Variants in FHOD3 observed in about 807,000 individuals in gnomAD.
FHOD3 encodes FH1/FH2 domain-containing protein 3.
A neutral mutation model predicts 173.0 loss-of-function variants in FHOD3; 90 were observed. That is an observed-to-expected ratio of 0.52 (90% CI 0.44 to 0.62). FHOD3 has a LOEUF of 0.62. Among genes scored for constraint, FHOD3 ranks in the 20% least tolerant of loss-of-function variants. The pLI is 0.00. For missense variants in FHOD3, 1,945 were observed against 2,034.7 expected, an observed-to-expected ratio of 0.96 and a Z score of 0.85; for synonymous variants, 828 against 823.0, an observed-to-expected ratio of 1.01 and a Z score of -0.10.
In FHOD3 at chr18:36,475,568, A is replaced by C. The variant is rs758793896; in HGVS notation, c.338-26364A>C. Among the ~76,000 whole-genome samples the C allele has an allele frequency of 6.6e-5, 10 of 152,300 alleles. No individual in the cohort carries two copies. The East Asian group carries it at 1.7e-3, about 26-fold the overall frequency. ...ATGGGAAGGACTTGCCATCAAAATC[A>C]AGACCAATAAAGCAATTTCTGAGAA... On this transcript the variant is annotated intron_variant, in intron 3 of 28. Transcript: ENST00000590592.
chr18:36,391,612 T>A (rs1451108137), intron 3 of FHOD3, among the ~76,000 whole-genome samples: 2 of 152,178 alleles, frequency 1.3e-5, no homozygotes, highest in Non-Finnish European at 2.9e-5. Context: ...GGCTGAGCCC[T>A]GGGTTTACCA....
At chr18:36,308,192 A>G (rs554928829) in intron 1 of FHOD3, among the ~76,000 whole-genome samples, 1 of 152,246 alleles carries the variant, frequency 6.6e-6, no homozygotes, top group Non-Finnish European at 1.5e-5. Flanking sequence ...ATAGTGCTAT[A>G]ATACATACCT....
intron 9 of FHOD3, among the ~76,000 whole-genome samples, chr18:36,618,596 G>A (rs1218053561): frequency 6.6e-6 from 1 of 152,134 alleles, no homozygotes; most frequent in East Asian, 1.9e-4. Flanking sequence ...ACAGGCGTGA[G>A]CCACCGCACC....
intron 3 of FHOD3, among the ~76,000 whole-genome samples, chr18:36,449,507 A>C (rs1415914137): frequency 6.6e-6 from 1 of 152,330 alleles, no homozygotes; most frequent in African/African-American, 2.4e-5. Flanking sequence ...ACACAGGTCC[A>C]TCTGACCCCA....
chr18:36,394,174 G>A lies in FHOD3; in HGVS notation c.337+21430G>A, dbSNP rs193100906. ...GAGGGAGACCTGGATTTTCTGAGCCGTCTCCTGGGGAGCATGCTATCTGTC... is the reference window on the plus strand; with the variant it reads ...GAGGGAGACCTGGATTTTCTGAGCCATCTCCTGGGGAGCATGCTATCTGTC... On this transcript the variant is annotated intron_variant, in intron 3 of 28. Transcript: ENST00000590592. 5.3e-5 allele frequency among the ~76,000 whole-genome samples: 8 copies of A among 152,236 alleles called. No homozygotes were observed. In the East Asian group the frequency reaches 1.5e-3, roughly 29 times the overall value.
At chr18:36,384,897 TACCACCACCACC>T (rs60582813) in intron 3 of FHOD3, among the ~76,000 whole-genome samples, 9 of 150,982 alleles carry the variant, frequency 6.0e-5, no homozygotes, top group Non-Finnish European at 1.0e-4. Context: ...TGGTGGAAGA[TACCACCACCACC>T]ACCACCACCA....
rs777286652 is a variant in FHOD3, at chr18:36,780,160, C to T, written c.*630C>T. 42 of 1,231,816 alleles carry T rather than the reference C, an allele frequency of 3.4e-5. No individual in the cohort carries two copies. Among genetic ancestry groups the T allele is most frequent in the Non-Finnish European group, 4.1e-5 (41 of 988,026 alleles). 76.3% of individuals were successfully genotyped at this position (1,231,816 alleles called of 1,614,324 possible). ...TTCTCAGTGTCCTCAGAAGCACCCT[C>T]GCTTGGAACGGCCTTCAGATCCTTT... is the stretch of plus-strand genomic sequence containing the variant. On this transcript the variant is annotated 3_prime_UTR_variant, in exon 29 of 29. Transcript: ENST00000590592.
Position 36,594,901 on chromosome 18 carries a change from G to A in FHOD3, c.718+3G>A. ...CACTGCTGTTGACACGAAAAGAGGT[G>A]AGTAGTCCCTGCCCCCTTATGTCAT... On this transcript the variant is annotated splice_donor_region_variant and intron_variant, in intron 7 of 28. Coordinates refer to ENST00000590592, the MANE Select transcript of FHOD3 (RefSeq NM_001281740.3). 6.3e-7 allele frequency: 1 copy of A among 1,599,910 alleles called. No homozygotes were observed. Among genetic ancestry groups the A allele is most frequent in the Non-Finnish European group, 8.6e-7 (1 of 1,168,268 alleles).
intron 5 of FHOD3, among the ~76,000 whole-genome samples, chr18:36,574,389 C>T (rs969444762): frequency 1.3e-5 from 2 of 152,096 alleles, no homozygotes; most frequent in African/African-American, 4.8e-5. Flanking sequence ...CTATTATAAA[C>T]AAGTTTGTTG....
At position 36,659,370 on chromosome 18, in the gene FHOD3, C is replaced by T. The variant is rs575093476; in HGVS notation, c.1835+1182C>T. ...TAATAAGGTAACCATTTGATTACCC[C>T]GAAGACACCATTACCTGTCTGTAGT... On this transcript the variant is annotated intron_variant, in intron 14 of 28. Coordinates refer to ENST00000590592, the MANE Select transcript of FHOD3 (RefSeq NM_001281740.3). Among the ~76,000 whole-genome samples the T allele has an allele frequency of 5.3e-5, 8 of 152,224 alleles. No homozygotes were observed. The East Asian group carries it at 1.4e-3, about 26-fold the overall frequency.
intron 14 of FHOD3, among the ~76,000 whole-genome samples, chr18:36,681,006 G>T (rs2038200842): frequency 6.6e-6 from 1 of 152,300 alleles, no homozygotes; most frequent in Non-Finnish European, 1.5e-5. Flanking sequence ...AGCTTCTAAT[G>T]ATCCTGTTAC....
chr18:36,562,614 C>G (rs1278382845), intron 5 of FHOD3, among the ~76,000 whole-genome samples: 1 of 152,162 alleles, frequency 6.6e-6, no homozygotes, highest in Non-Finnish European at 1.5e-5. Flanking sequence ...ATCCACAGTT[C>G]TCTGCCTCAT....
At chr18:36,691,064 A>T (rs558515395) in intron 16 of FHOD3, among the ~76,000 whole-genome samples, 1 of 152,328 alleles carries the variant, frequency 6.6e-6, no homozygotes, top group East Asian at 1.9e-4. Context: ...TTTGAGTCAA[A>T]TATATACAGG....
chr18:36,482,460 C>T (rs2145530532), intron 3 of FHOD3, among the ~76,000 whole-genome samples: 1 of 152,230 alleles, frequency 6.6e-6, no homozygotes, highest in South Asian at 2.1e-4. Context: ...ACCCCCCCGC[C>T]CCGCAAGGCA....
chr18:36,676,946 G>T (rs2037901985), intron 14 of FHOD3, among the ~76,000 whole-genome samples: 1 of 152,064 alleles, frequency 6.6e-6, no homozygotes, highest in South Asian at 2.1e-4. Flanking sequence ...CTCCCAGGTT[G>T]TTGCTCTTCT....
intron 5 of FHOD3, among the ~76,000 whole-genome samples, chr18:36,517,173 G>A (rs1169990940): frequency 6.6e-6 from 1 of 152,152 alleles, no homozygotes; most frequent in African/African-American, 2.4e-5. Context: ...ATTCCTGGGT[G>A]GTTGTAGCTA....
chr18:36,556,168 TC>T (rs2057874087), intron 5 of FHOD3, among the ~76,000 whole-genome samples: 1 of 152,180 alleles, frequency 6.6e-6, no homozygotes, highest in Non-Finnish European at 1.5e-5. Flanking sequence ...TTAAATAGTG[TC>T]TTTTTAGCTG....
chr18:36,678,890 C>A (rs1385235507), intron 14 of FHOD3, among the ~76,000 whole-genome samples: 1 of 152,116 alleles, frequency 6.6e-6, no homozygotes, highest in Non-Finnish European at 1.5e-5. Flanking sequence ...CGTCTTCACA[C>A]TGTTCTTATC....
intron 3 of FHOD3, among the ~76,000 whole-genome samples, chr18:36,438,621 C>T (rs925086541): frequency 1.3e-5 from 2 of 152,180 alleles, no homozygotes; most frequent in East Asian, 3.9e-4. Context: ...GGGCAGTCAC[C>T]CGACCCAGAG....
Sources: allele counts gnomAD v4.1 joint callset (sites outside exome capture counted in the v4.1 genomes callset), GRCh38; gene constraint gnomAD v4.1.1; transcripts MANE v1.5; gene names NCBI Gene and HGNC (gene_info 2026-07-23, HGNC 2026-07-21).